The following PLEKHA1 variants were observed in gnomAD, a reference collection of about 807,000 sequenced individuals.
PLEKHA1 encodes the protein pleckstrin homology domain-containing family A member 1.
PLEKHA1 carries 34 observed loss-of-function variants against 52.0 expected under a neutral mutation model. The observed-to-expected ratio is 0.65, with a 90% CI of 0.50 to 0.87. The LOEUF (loss-of-function observed/expected upper bound fraction) is 0.87, where lower values mean the gene tolerates loss of function less well. Among genes scored for constraint, PLEKHA1 ranks in the 40% least tolerant of loss-of-function variants. PLEKHA1 has a pLI of 0.00. For synonymous variants in PLEKHA1, 163 were observed against 170.7 expected, an observed-to-expected ratio of 0.95 and a Z score of 0.35; for missense variants, 497 against 504.2, an observed-to-expected ratio of 0.99 and a Z score of 0.14.
chr10:122,376,501 G>GATATAT lies in PLEKHA1; in HGVS notation c.-21+1723_-21+1728dup, dbSNP rs56781870. Among the ~76,000 whole-genome samples the GATATAT allele has an allele frequency of 6.1e-5, 9 of 146,824 alleles. No homozygotes were observed. In the East Asian group the frequency reaches 1.8e-3, roughly 29 times the overall value. On this transcript the variant is annotated intron_variant, in intron 1 of 11. Transcript: ENST00000368990. Reference sequence around the variant, plus strand: ...GCTGTGAATTTAGTGACATTAAGAAGATATATATATATATATATATATATA... The same window carrying GATATAT: ...GCTGTGAATTTAGTGACATTAAGAAGATATATATATATATATATATATATATATATA...
At chr10:122,429,577 C>CTGG in intron 11 of PLEKHA1, 47 bp from the exon 12 acceptor site, 1 of 1,551,304 alleles carries the variant, frequency 6.4e-7, no homozygotes, top group Non-Finnish European at 8.8e-7. Context: ...AGTTACTAAC[C>CTGG]TGGTCATGAG....
intron 3 of PLEKHA1, among the ~76,000 whole-genome samples, chr10:122,399,444 C>G (rs1003465893): frequency 6.6e-6 from 1 of 152,014 alleles, no homozygotes. Context: ...TAAAGTGATC[C>G]CATTATCCTA....
intron 1 of PLEKHA1, among the ~76,000 whole-genome samples, chr10:122,378,980 A>C (rs2096577249): frequency 6.6e-6 from 1 of 152,196 alleles, no homozygotes; most frequent in African/African-American, 2.4e-5. Context: ...GAGAAGTAGA[A>C]AAAGACAAGT....
chr10:122,404,873 T>A (rs564804778), intron 4 of PLEKHA1, among the ~76,000 whole-genome samples: 3 of 152,322 alleles, frequency 2.0e-5, no homozygotes, highest in South Asian at 4.1e-4. Context: ...TCTTGTGTGT[T>A]TTCCTTGAGA....
At position 122,424,261 on chromosome 10, in the gene PLEKHA1, A is replaced by C. The variant is rs2097306215; in HGVS notation, c.744A>C (p.Gln248His). ...KEVHKVQECKQSDIMMRDNLF... is the reference protein window; with the variant it reads ...KEVHKVQECKHSDIMMRDNLF... ...TTCATAAAGTCCAGGAATGTAAGCA[A>C]AGGTAAGGAACCGCTCTGACTTGAT... The change falls in exon 9 of 12, where the codon CAA becomes CAC. Residue 248 changes from glutamine (Q) to histidine (H), a missense_variant and splice_region_variant. Transcript: ENST00000368990. 6.3e-7 allele frequency: 1 copy of C among 1,597,708 alleles called. No homozygotes were observed.
chr10:122,428,346 C>T (rs573259440), intron 11 of PLEKHA1: 41 of 1,545,190 alleles, frequency 2.7e-5, no homozygotes, highest in East Asian at 4.9e-5. Context: ...GAATGCAGCA[C>T]GTATGTGGGC....
In PLEKHA1 at chr10:122,400,335, CT is replaced by C; in HGVS notation, c.199-3del. The C allele has an allele frequency of 6.3e-7, 1 of 1,598,964 alleles. No individual in the cohort carries two copies. The highest frequency in any genetic ancestry group is 8.5e-7 in the Non-Finnish European group (1 of 1,174,908). ...AAGTGAGGAACCCGTCTCTATTTTT[CT>C]TTTTAGGTTAGCGATGCTACTAAGC... On this transcript the variant is annotated splice_region_variant and splice_polypyrimidine_tract_variant and intron_variant, in intron 3 of 11. Coordinates refer to ENST00000368990, the MANE Select transcript of PLEKHA1 (RefSeq NM_001001974.4).
chr10:122,416,487 T>G (rs999588434), intron 7 of PLEKHA1, among the ~76,000 whole-genome samples: 1 of 152,234 alleles, frequency 6.6e-6, no homozygotes, highest in Admixed American at 6.5e-5. Context: ...GAATATCATA[T>G]AAAACCTACC....
chr10:122,403,734 C>T (rs976164185), intron 4 of PLEKHA1, among the ~76,000 whole-genome samples: 1 of 152,082 alleles, frequency 6.6e-6, no homozygotes, highest in Non-Finnish European at 1.5e-5. Context: ...CTCACTCCCC[C>T]AGGCCGGAAT....
intron 8 of PLEKHA1, 29 bp from the exon 9 acceptor site, chr10:122,424,170 T>C (rs2097302498): frequency 2.2e-6 from 3 of 1,376,416 alleles, no homozygotes; most frequent in African/African-American, 4.8e-5. Context: ...ATCATGTAAC[T>C]GTTTTTTTTT....
At chr10:122,428,325 C>T (rs1361489574) in intron 11 of PLEKHA1, 3 of 1,547,134 alleles carry the variant, frequency 1.9e-6, no homozygotes, top group South Asian at 2.4e-5. Flanking sequence ...AGGTATACAT[C>T]AAGAGCTGGT....
intron 1 of PLEKHA1, among the ~76,000 whole-genome samples, chr10:122,390,410 C>T (rs1175533770): frequency 6.6e-6 from 1 of 152,170 alleles, no homozygotes; most frequent in Non-Finnish European, 1.5e-5. Flanking sequence ...GTGCAAGAAA[C>T]CTCATTTTTG....
downstream of PLEKHA1, chr10:122,433,925 A>T (rs528544158): frequency 7.0e-4 from 106 of 152,078 alleles, no homozygotes; most frequent in African/African-American, 2.4e-3. Context: ...ATGAAGCTTT[A>T]ATTTTTTTAG....
At chr10:122,434,979 T>C (rs187620165), downstream of PLEKHA1, 9 of 152,082 alleles carry the variant, frequency 5.9e-5, no homozygotes, top group African/African-American at 1.9e-4. Flanking sequence ...TGTTGGACAT[T>C]TGGGAAAAGT....
chr10:122,393,359 G>A lies in PLEKHA1; in HGVS notation c.141+18G>A, dbSNP rs556525684. 1 of 1,577,190 alleles carries A rather than the reference G, an allele frequency of 6.3e-7. No individual in the cohort carries two copies. The highest frequency in any genetic ancestry group is 2.3e-5 in the East Asian group (1 of 44,030). On this transcript the variant is annotated intron_variant, in intron 2 of 11. Coordinates refer to ENST00000368990, the MANE Select transcript of PLEKHA1 (RefSeq NM_001001974.4). The surrounding 1 kb of genome is among the most constrained non-coding windows in gnomAD (Gnocchi z 4.5). ...ATCCACAGGTTTGTAAAATCCCAAG[G>A]ATTATCTTTTAAAAGCACAGAAAGT...
chr10:122,376,777 T>C (rs1432959571), intron 1 of PLEKHA1, among the ~76,000 whole-genome samples: 2 of 152,270 alleles, frequency 1.3e-5, no homozygotes, highest in Non-Finnish European at 2.9e-5. Context: ...CTGCCATGAG[T>C]TCATAAGCCG....
At chr10:122,412,456 G>C (rs2097120656) in intron 5 of PLEKHA1, 3 of 153,306 alleles carry the variant, frequency 2.0e-5, no homozygotes, top group African/African-American at 7.2e-5. Flanking sequence ...GGTAGGAATG[G>C]AGAAAGGGAA....
At chr10:122,423,925 G>A (rs2097299471) in intron 8 of PLEKHA1, 2 of 395,970 alleles carry the variant, frequency 5.1e-6, no homozygotes, top group Non-Finnish European at 8.7e-6. Context: ...ATGGCTAATA[G>A]CTTTTAATTA....
downstream of PLEKHA1, chr10:122,433,507 C>T (rs2097427581): frequency 7.0e-6 from 1 of 143,000 alleles, no homozygotes; most frequent in East Asian, 2.1e-4. Context: ...ACCTCCTCTC[C>T]AAAACACATA....
Sources: gnomAD v4.1 joint callset for allele counts (sites outside exome capture counted in the v4.1 genomes callset) on GRCh38, gnomAD v4.1.1 for gene constraint, Gnocchi (gnomAD v3.1) non-coding constraint, MANE v1.5 for transcripts, NCBI Gene and HGNC (gene_info 2026-07-23, HGNC 2026-07-21) for gene names.